LAMA2: variants seen among roughly 807,000 people sequenced by gnomAD.
The protein encoded by LAMA2 is laminin subunit alpha-2.
LAMA2 carries 269 observed loss-of-function variants against 364.8 expected under a neutral mutation model. The observed-to-expected ratio is 0.74, with a 90% CI of 0.67 to 0.82. The LOEUF (loss-of-function observed/expected upper bound fraction) is 0.82. LAMA2 is among the 40% of genes least tolerant of loss of function. LAMA2 has a pLI of 0.00. For synonymous variants in LAMA2, 1,379 were observed against 1,370.6 expected, an observed-to-expected ratio of 1.01 and a Z score of -0.14; for missense variants, 3,807 against 3,873.2, an observed-to-expected ratio of 0.98 and a Z score of 0.45.
At chr6:129,190,054 T>A in intron 10 of LAMA2, 151 bp from the exon 11 acceptor site, 1 of 737,738 alleles carries the variant, frequency 1.4e-6, no homozygotes, top group Non-Finnish European at 2.3e-6. Context: ...ACATAGCTTT[T>A]GAGCAGATTT....
At chr6:129,091,599 C>T (rs1220730199) in intron 3 of LAMA2, among the ~76,000 whole-genome samples, 2 of 152,092 alleles carry the variant, frequency 1.3e-5, no homozygotes, top group Non-Finnish European at 2.9e-5. Context: ...AAGTGGGTTG[C>T]ACTTAATAAT....
At position 129,452,978 on chromosome 6, in the gene LAMA2, T is replaced by G. The variant is rs1396056744; in HGVS notation, c.6430-10T>G. 1.2e-6 allele frequency: 2 copies of G among 1,611,270 alleles called. No homozygotes were observed. Among genetic ancestry groups the G allele is most frequent in the South Asian group, 2.2e-5 (2 of 90,962 alleles). On this transcript the variant is annotated splice_polypyrimidine_tract_variant and intron_variant, in intron 45 of 64. Coordinates refer to ENST00000421865, the MANE Select transcript of LAMA2 (RefSeq NM_000426.4). ...TACTCTTGGTTCTTTGTATCTTGTT[T>G]TTTTTAAAGATCAAAGTATCTGTGT...
intron 3 of LAMA2, among the ~76,000 whole-genome samples, chr6:129,065,788 G>T (rs1213475644): frequency 6.6e-6 from 1 of 152,128 alleles, no homozygotes; most frequent in Non-Finnish European, 1.5e-5. Context: ...GGAGGGACCT[G>T]GTGGGAGATG....
At chr6:129,418,413 G>A (rs1288023012) in intron 40 of LAMA2, among the ~76,000 whole-genome samples, 1 of 151,784 alleles carries the variant, frequency 6.6e-6, no homozygotes, top group African/African-American at 2.4e-5. Context: ...AAATTCTGAT[G>A]CTAGAAATCA....
chr6:128,980,843 C>G (rs1782821209), intron 1 of LAMA2, among the ~76,000 whole-genome samples: 2 of 152,122 alleles, frequency 1.3e-5, no homozygotes, highest in Admixed American at 6.5e-5. Context: ...ACGTGTATAT[C>G]TTAAGATTTC....
chr6:129,223,903 G>A (rs966480205), intron 12 of LAMA2, among the ~76,000 whole-genome samples: 2 of 152,130 alleles, frequency 1.3e-5, no homozygotes, highest in African/African-American at 2.4e-5. Flanking sequence ...TAGCTTGATA[G>A]GGATGGCATT....
chr6:129,196,452 GT>G (rs1477354309), intron 12 of LAMA2, among the ~76,000 whole-genome samples: 1 of 151,906 alleles, frequency 6.6e-6, no homozygotes, highest in Non-Finnish European at 1.5e-5. Flanking sequence ...CTAAGAAATT[GT>G]TTTTTTTAGG....
intron 40 of LAMA2, among the ~76,000 whole-genome samples, chr6:129,420,195 G>T (rs9483029): frequency 0.53 from 80,698 of 151,848 alleles, 22,617 homozygotes; most frequent in African/African-American, 0.72. Context: ...CTATGGGAAT[G>T]AACATCACAT....
intron 12 of LAMA2, among the ~76,000 whole-genome samples, chr6:129,203,303 C>T (rs780983369): frequency 1.3e-5 from 2 of 152,196 alleles, no homozygotes; most frequent in African/African-American, 2.4e-5. Flanking sequence ...CAGTGGGGAA[C>T]TATCTGTATC....
chr6:129,474,928 T>C (rs956108455), intron 52 of LAMA2, among the ~76,000 whole-genome samples: 2 of 152,174 alleles, frequency 1.3e-5, no homozygotes, highest in Admixed American at 1.3e-4. Context: ...GAACCAAACA[T>C]TCATAGTTAC....
intron 3 of LAMA2, among the ~76,000 whole-genome samples, chr6:129,064,108 G>A (rs996505808): frequency 3.3e-5 from 5 of 151,968 alleles, no homozygotes; most frequent in African/African-American, 9.7e-5. Context: ...ATTAAAGGAT[G>A]TGTTGTACAA....
intron 4 of LAMA2, among the ~76,000 whole-genome samples, chr6:129,104,004 C>CCCTT (rs1163400685): frequency 7.9e-5 from 12 of 151,492 alleles, no homozygotes; most frequent in African/African-American, 1.9e-4. Flanking sequence ...CTGCCTTCCT[C>CCCTT]CCTTCCTTCC....
At position 128,953,515 on chromosome 6, in the gene LAMA2, G is replaced by A. The variant is rs530192238; in HGVS notation, c.112+70158G>A. Among the ~76,000 whole-genome samples, 5 of 152,054 alleles carry A rather than the reference G, an allele frequency of 3.3e-5. No individual in the cohort carries two copies. In the South Asian group the frequency reaches 1.0e-3, roughly 32 times the overall value. On this transcript the variant is annotated intron_variant, in intron 1 of 64. Coordinates refer to ENST00000421865, the MANE Select transcript of LAMA2 (RefSeq NM_000426.4). ...TGGTCTGCTTGCCATCTTCCAAGAT[G>A]TGCCCCTTATTGAAAAAACAAAAAC...
intron 4 of LAMA2, among the ~76,000 whole-genome samples, chr6:129,122,049 T>C (rs9791352): frequency 0.013 from 1,925 of 152,334 alleles, 91 homozygotes; most frequent in East Asian, 0.094. Context: ...ATTAAATGTT[T>C]TAGACATTTC....
chr6:129,197,759 CAAA>C (rs916325546), intron 12 of LAMA2, among the ~76,000 whole-genome samples: 1 of 151,502 alleles, frequency 6.6e-6, no homozygotes, highest in African/African-American at 2.4e-5. Flanking sequence ...TATTAAAAAA[CAAA>C]AAAAATCAAG....
chr6:129,240,775 AT>A (rs1785346973), intron 12 of LAMA2, among the ~76,000 whole-genome samples: 1 of 152,206 alleles, frequency 6.6e-6, no homozygotes, highest in Non-Finnish European at 1.5e-5. Context: ...TTTATAACTT[AT>A]AAAGTATATA....
At chr6:129,290,910 T>C (rs1789648457) in intron 19 of LAMA2, among the ~76,000 whole-genome samples, 1 of 152,206 alleles carries the variant, frequency 6.6e-6, no homozygotes. Flanking sequence ...GTTATAATGC[T>C]ATAGTCTTAA....
intron 6 of LAMA2, among the ~76,000 whole-genome samples, chr6:129,148,148 T>C (rs1028804889): frequency 5.3e-5 from 8 of 152,062 alleles, no homozygotes; most frequent in African/African-American, 1.9e-4. Context: ...AAAATGCATA[T>C]GCCACCATAG....
intron 47 of LAMA2, 30 bp downstream of exon 47, chr6:129,454,318 T>C: frequency 6.3e-7 from 1 of 1,575,854 alleles, no homozygotes; most frequent in Non-Finnish European, 8.7e-7. Flanking sequence ...TTAAGATAAT[T>C]AAATGATAGA....
Sources: gnomAD v4.1 joint callset for allele counts (sites outside exome capture counted in the v4.1 genomes callset) on GRCh38, gnomAD v4.1.1 for gene constraint, MANE v1.5 for transcripts, NCBI Gene and HGNC (gene_info 2026-07-23, HGNC 2026-07-21) for gene names.